GRM3: variants seen among roughly 807,000 people sequenced by gnomAD.
GRM3 encodes the protein glutamate metabotropic receptor 3, also known as metabotropic glutamate receptor 3.
A neutral mutation model predicts 70.5 loss-of-function variants in GRM3; 26 were observed. The observed-to-expected ratio is 0.37, with a 90% CI of 0.27 to 0.51. The LOEUF (loss-of-function observed/expected upper bound fraction) is 0.51, where lower values mean the gene tolerates loss of function less well. Ranked by LOEUF, GRM3 falls within the 20% of genes least tolerant of loss-of-function variation. The pLI is 0.93. For synonymous variants in GRM3, 443 were observed against 434.9 expected (o/e 1.02, Z -0.23); for missense variants, 859 against 1,123.8 (o/e 0.76, Z 3.37).
chr7:86,693,928 G>A (rs952807486), intron 1 of GRM3, among the ~76,000 whole-genome samples: 1 of 152,110 alleles, frequency 6.6e-6, no homozygotes, highest in Non-Finnish European at 1.5e-5. Flanking sequence ...AGGTTACACT[G>A]GAAATGAAAG....
At chr7:86,647,029 G>A (rs889973320) in intron 1 of GRM3, among the ~76,000 whole-genome samples, 13 of 152,064 alleles carry the variant, frequency 8.5e-5, no homozygotes, top group African/African-American at 2.7e-4. Flanking sequence ...CAAATATAAC[G>A]AAATTGATTG....
At chr7:86,835,260 C>T (rs575665340) in intron 3 of GRM3, among the ~76,000 whole-genome samples, 11 of 151,566 alleles carry the variant, frequency 7.3e-5, no homozygotes, top group East Asian at 5.8e-4. Context: ...AAAAGGTGTA[C>T]GATATTTTAT....
rs545094164 is a variant in GRM3, at chr7:86,747,433, G to A, written c.-140-17573G>A. On this transcript the variant is annotated intron_variant, in intron 1 of 5. Transcript: ENST00000361669. The stretch of plus-strand genomic sequence containing the variant: ...TAAGCTCATTTTATTTTATAAAAAG[G>A]TTGTTACATGGGCAATGGTGATATT... 3.9e-5 allele frequency among the ~76,000 whole-genome samples: 6 copies of A among 152,094 alleles called. No homozygotes were observed. The South Asian group carries it at 8.3e-4, about 21-fold the overall frequency.
intron 3 of GRM3, among the ~76,000 whole-genome samples, chr7:86,800,679 G>A (rs187115104): frequency 2.0e-3 from 311 of 152,296 alleles, no homozygotes; most frequent in African/African-American, 7.0e-3. Flanking sequence ...ACTAGAACTA[G>A]ATATATTTAC....
intron 1 of GRM3, among the ~76,000 whole-genome samples, chr7:86,688,416 T>A (rs970103650): frequency 6.6e-6 from 1 of 151,610 alleles, no homozygotes; most frequent in Non-Finnish European, 1.5e-5. Context: ...TTCAAAGTCA[T>A]AAAAGGGTTA....
rs189267819 is a variant in GRM3 at position 86,663,148 on chromosome 7, T to C, written c.-141+18276T>C. 1.2e-3 allele frequency among the ~76,000 whole-genome samples: 180 copies of C among 151,952 alleles called. 2 individuals are homozygous for C. Among genetic ancestry groups the C allele is most frequent in the African/African-American group, 4.0e-3 (167 of 41,490 alleles). On this transcript the variant is annotated intron_variant, in intron 1 of 5. Coordinates refer to ENST00000361669, the MANE Select transcript of GRM3 (RefSeq NM_000840.3). ...AGATCTCTCAGGGTATACATGAGAA[T>C]AGAGAATCTCAAGCTGAGCCCTAGG...
intron 1 of GRM3, among the ~76,000 whole-genome samples, chr7:86,650,749 G>C (rs1334776407): frequency 6.6e-6 from 1 of 152,248 alleles, no homozygotes; most frequent in African/African-American, 2.4e-5. Flanking sequence ...TAGTACAGTG[G>C]CAAGAATATA....
chr7:86,653,281 G>A (rs1031480080), intron 1 of GRM3, among the ~76,000 whole-genome samples: 9 of 152,136 alleles, frequency 5.9e-5, no homozygotes, highest in Admixed American at 4.6e-4. Flanking sequence ...GTTAGTAAAC[G>A]CAATCACATC....
At chr7:86,702,642 C>A (rs763283805) in intron 1 of GRM3, among the ~76,000 whole-genome samples, 5 of 151,936 alleles carry the variant, frequency 3.3e-5, no homozygotes, top group Non-Finnish European at 7.4e-5. Context: ...CAAAATTTTA[C>A]CTTCTTTACA....
chr7:86,728,420 T>C (rs1165608220), intron 1 of GRM3, among the ~76,000 whole-genome samples: 1 of 152,220 alleles, frequency 6.6e-6, no homozygotes, highest in African/African-American at 2.4e-5. Flanking sequence ...CTTAGTCTAC[T>C]AGAAAGTTTT....
At chr7:86,836,446 A>T (rs969997332) in intron 3 of GRM3, among the ~76,000 whole-genome samples, 1 of 152,266 alleles carries the variant, frequency 6.6e-6, no homozygotes, top group Admixed American at 6.5e-5. Context: ...TTATTAAAAG[A>T]TTAATTTTTT....
rs1793398451 is a variant in GRM3 at position 86,644,290 on chromosome 7, C to G, written c.-723C>G. 1 of 256,604 alleles carries G rather than the reference C, an allele frequency of 3.9e-6. No individual in the cohort carries two copies. The highest frequency in any genetic ancestry group is 2.3e-5 in the African/African-American group (1 of 43,190). 15.9% of individuals were successfully genotyped at this position (256,604 alleles called of 1,614,324 possible). The stretch of plus-strand genomic sequence containing the variant: ...CTCACTGAAGACTCTGCAGATATAC[C>G]CTTATAAGAGGGAGGGTGGGGGAGG... On this transcript the variant is annotated 5_prime_UTR_variant, in exon 1 of 6. Coordinates refer to ENST00000361669, the MANE Select transcript of GRM3 (RefSeq NM_000840.3).
intron 3 of GRM3, among the ~76,000 whole-genome samples, chr7:86,810,804 GT>G (rs1221068968): frequency 4.0e-5 from 6 of 151,880 alleles, no homozygotes; most frequent in African/African-American, 9.7e-5. Context: ...AAAGACTTTT[GT>G]TTTTTCTTGA....
intron 1 of GRM3, among the ~76,000 whole-genome samples, chr7:86,652,571 C>T (rs1319307400): frequency 6.6e-6 from 1 of 152,130 alleles, no homozygotes; most frequent in African/African-American, 2.4e-5. Context: ...CCTCATGATC[C>T]TCCCACCTTG....
chr7:86,808,170 C>T (rs1198148565), intron 3 of GRM3, among the ~76,000 whole-genome samples: 1 of 152,122 alleles, frequency 6.6e-6, no homozygotes. Flanking sequence ...AGGATTTTCG[C>T]ATCGATGTTC....
intron 1 of GRM3, among the ~76,000 whole-genome samples, chr7:86,683,157 C>A (rs530552811): frequency 6.6e-6 from 1 of 152,008 alleles, no homozygotes; most frequent in African/African-American, 2.4e-5. Flanking sequence ...TTTATGGGAG[C>A]AAAGAGGTTG....
intron 2 of GRM3, among the ~76,000 whole-genome samples, chr7:86,767,502 T>G (rs1796628992): frequency 7.4e-6 from 1 of 134,606 alleles, no homozygotes; most frequent in African/African-American, 2.6e-5. Flanking sequence ...GGAAAGAGTA[T>G]CGGTCATACT....
chr7:86,693,807 T>G (rs1234166677), intron 1 of GRM3, among the ~76,000 whole-genome samples: 3 of 152,212 alleles, frequency 2.0e-5, no homozygotes, highest in Non-Finnish European at 2.9e-5. Flanking sequence ...CAGAATACTG[T>G]GTTAGATCTG....
intron 3 of GRM3, among the ~76,000 whole-genome samples, chr7:86,817,749 G>A (rs1798044360): frequency 6.6e-6 from 1 of 151,868 alleles, no homozygotes; most frequent in Non-Finnish European, 1.5e-5. Context: ...ATACCTTCTA[G>A]CCTACATTAA....
Sources: allele counts gnomAD v4.1 joint callset (sites outside exome capture counted in the v4.1 genomes callset), GRCh38; gene constraint gnomAD v4.1.1; transcripts MANE v1.5; gene names NCBI Gene and HGNC (gene_info 2026-07-23, HGNC 2026-07-21).